The following TAF3 variants were observed in gnomAD, a reference collection of about 807,000 sequenced individuals.
TAF3 encodes TATA-box binding protein associated factor 3.
In TAF3, 7 loss-of-function variants were observed where a neutral mutation model predicts 80.6. That is an observed-to-expected ratio of 0.09 (90% CI 0.05 to 0.16). TAF3 has a LOEUF of 0.16. TAF3 is among the 10% of genes least tolerant of loss of function. The pLI is 1.00. For missense variants in TAF3, 921 were observed against 1,140.2 expected, an observed-to-expected ratio of 0.81 and a Z score of 2.77; for synonymous variants, 444 against 446.1, an observed-to-expected ratio of 1.00 and a Z score of 0.06.
intron 4 of TAF3, among the ~76,000 whole-genome samples, chr10:7,991,153 A>T (rs765881947): frequency 6.6e-6 from 1 of 152,092 alleles, no homozygotes; most frequent in Non-Finnish European, 1.5e-5. Context: ...AAACTTTCTT[A>T]TGTACATAGA....
chr10:7,929,499 G>T (rs1200685025), intron 2 of TAF3, among the ~76,000 whole-genome samples: 1 of 152,038 alleles, frequency 6.6e-6, no homozygotes, highest in Admixed American at 6.5e-5. Context: ...CTGGCTTCAA[G>T]TGATCTTCCT....
chr10:7,999,886 C>G (rs921976311), intron 4 of TAF3, among the ~76,000 whole-genome samples: 2 of 152,122 alleles, frequency 1.3e-5, no homozygotes, highest in Admixed American at 6.5e-5. Context: ...TTGTGCAGCT[C>G]CTTGATCTCA....
At chr10:7,892,722 G>A (rs566943586) in intron 2 of TAF3, among the ~76,000 whole-genome samples, 1 of 152,060 alleles carries the variant, frequency 6.6e-6, no homozygotes, top group African/African-American at 2.4e-5. Flanking sequence ...CAGTTAGTTG[G>A]TCAGTTAGTC....
chr10:7,830,500 T>G (rs1202546275), intron 2 of TAF3, among the ~76,000 whole-genome samples: 1 of 133,216 alleles, frequency 7.5e-6, no homozygotes, highest in Middle Eastern at 3.7e-3. Flanking sequence ...TTTTTTTTTT[T>G]TGAGAAGGAG....
intron 2 of TAF3, 85 bp from the exon 3 acceptor site, chr10:7,963,835 A>T (rs1405441037): frequency 1.6e-6 from 2 of 1,278,930 alleles, no homozygotes; most frequent in Non-Finnish European, 2.1e-6. Context: ...AAAAGAAATC[A>T]TATTTGAAGC....
chr10:7,875,625 T>C (rs919196799), intron 2 of TAF3, among the ~76,000 whole-genome samples: 3 of 152,158 alleles, frequency 2.0e-5, no homozygotes, highest in Non-Finnish European at 2.9e-5. Context: ...AAAGTTATCT[T>C]TGTGTGGTGG....
chr10:8,009,123 C>T lies in TAF3; in HGVS notation c.2361C>T (p.Pro787=), dbSNP rs766981281. The stretch of plus-strand genomic sequence containing the variant: ...CTGCCCCCGAGGCCAAGCCGGCGCC[C>T]TCGCAGAACAGGCCGAAGACCCCAC... ...VVPAPEAKPA[P]SQNRPKTPPP... is the part of the protein sequence containing the mutation. Residue 787 remains proline, a synonymous_variant, in exon 5 of 7, where the codon CCC becomes CCT. Transcript: ENST00000344293. This position sits in a 1 kb window ranked among gnomAD's most constrained non-coding sequence, Gnocchi z 4.1. 6.2e-7 allele frequency: 1 copy of T among 1,600,054 alleles called. No individual in the cohort carries two copies. Among genetic ancestry groups the T allele is most frequent in the Non-Finnish European group, 8.5e-7 (1 of 1,174,128 alleles).
intron 2 of TAF3, among the ~76,000 whole-genome samples, chr10:7,929,248 T>C (rs536202473): frequency 2.8e-4 from 33 of 119,740 alleles, no homozygotes; most frequent in African/African-American, 8.5e-4. Context: ...AAGTAGTTTA[T>C]TTTTTTTGTT....
intron 2 of TAF3, among the ~76,000 whole-genome samples, chr10:7,957,654 C>T (rs1459502152): frequency 2.6e-5 from 4 of 151,974 alleles, no homozygotes; most frequent in Non-Finnish European, 4.4e-5. Context: ...ATTTGTTTCT[C>T]ACATATGTAC....
At chr10:7,824,187 ATTCT>A (rs1836718596) in intron 1 of TAF3, 127 bp from the exon 2 acceptor site, 1 of 1,063,720 alleles carries the variant, frequency 9.4e-7, no homozygotes. Flanking sequence ...AATCTATTAA[ATTCT>A]TTCCAATAAC....
chr10:8,012,709 G>A (rs572456450), intron 5 of TAF3, among the ~76,000 whole-genome samples: 149 of 152,320 alleles, frequency 9.8e-4, no homozygotes, highest in Non-Finnish European at 1.7e-3. Flanking sequence ...TCCTGTCAAT[G>A]TAGTTTGCCT....
intron 2 of TAF3, among the ~76,000 whole-genome samples, chr10:7,829,762 G>A (rs1302279879): frequency 1.3e-5 from 2 of 152,036 alleles, no homozygotes; most frequent in South Asian, 2.1e-4. Flanking sequence ...TTCCCCTACT[G>A]TGCTCTTTGG....
At position 7,964,631 on chromosome 10, in the gene TAF3, A is replaced by G. The variant is rs764084441; in HGVS notation, c.1121A>G (p.Glu374Gly). The part of the protein sequence containing the change: ...TPPDAGKLNS[E>G]NQPKKAVVAD... Reference sequence around the variant, plus strand: ...CCTGATGCTGGGAAACTGAACAGTGAGAATCAGCCGAAAAAGGCTGTGGTA... The same window carrying G: ...CCTGATGCTGGGAAACTGAACAGTGGGAATCAGCCGAAAAAGGCTGTGGTA... Residue 374 changes from glutamate (E) to glycine (G), a missense_variant, in exon 3 of 7, where the codon GAG becomes GGG. Physicochemically the swap from Glu to Gly is moderately conservative, Grantham distance 98. Around this residue, in one of 6 missense-constraint regions of TAF3, gnomAD observed 743 missense variants for 821.0 expected, o/e 0.90. Coordinates refer to ENST00000344293, the MANE Select transcript of TAF3 (RefSeq NM_031923.4). The surrounding 1 kb of genome is among the most constrained non-coding windows in gnomAD (Gnocchi z 4.1). 6.2e-7 allele frequency: 1 copy of G among 1,614,114 alleles called. No homozygotes were observed. Among genetic ancestry groups the G allele is most frequent in the African/African-American group, 1.3e-5 (1 of 74,936 alleles).
chr10:7,971,740 G>A (rs1167120301), intron 3 of TAF3, among the ~76,000 whole-genome samples: 1 of 152,148 alleles, frequency 6.6e-6, no homozygotes, highest in Non-Finnish European at 1.5e-5. Context: ...TTGCAAGGCC[G>A]CACTGCTGGT....
At chr10:7,969,987 C>T (rs777996306) in intron 3 of TAF3, among the ~76,000 whole-genome samples, 47 of 152,258 alleles carry the variant, frequency 3.1e-4, no homozygotes, top group Non-Finnish European at 5.4e-4. Context: ...ACAGTAGTTT[C>T]ATACCTTCTC....
In TAF3 at chr10:7,965,053, C is replaced by A; in HGVS notation, c.1543C>A (p.Leu515Met). Residue 515 changes from leucine to methionine, a missense_variant, in exon 3 of 7, where the codon CTG (leucine) becomes ATG (methionine). Around this residue, in one of 6 missense-constraint regions of TAF3, gnomAD observed 743 missense variants for 821.0 expected, o/e 0.90. Transcript: ENST00000344293. ...LHKVYEEKTK[L>M]PSSVEVKKKL... ...CAAGGTGTATGAGGAGAAAACCAAG[C>A]TGCCTTCCTCCGTGGAGGTAAAGAA... The A allele has an allele frequency of 6.2e-7, 1 of 1,614,032 alleles. No individual in the cohort carries two copies. Among genetic ancestry groups the A allele is most frequent in the Non-Finnish European group, 8.5e-7 (1 of 1,180,038 alleles).
intron 2 of TAF3, among the ~76,000 whole-genome samples, chr10:7,830,467 A>C (rs147409731): frequency 6.9e-5 from 8 of 115,330 alleles, no homozygotes; most frequent in Middle Eastern, 5.2e-3. Context: ...TTTTCACTTT[A>C]CATGTCTTTT....
At chr10:7,937,939 G>GTGGAA (rs1289289690) in intron 2 of TAF3, among the ~76,000 whole-genome samples, 2 of 152,212 alleles carry the variant, frequency 1.3e-5, no homozygotes, top group Non-Finnish European at 2.9e-5. Context: ...AGACCAGTCA[G>GTGGAA]TGGAACATCC....
chr10:7,933,632 A>C (rs1214835675), intron 2 of TAF3, among the ~76,000 whole-genome samples: 2 of 152,240 alleles, frequency 1.3e-5, no homozygotes, highest in East Asian at 3.8e-4. Flanking sequence ...AGTGATAGTG[A>C]AAATGTCCTC....
Sources: gnomAD v4.1 joint callset for allele counts (sites outside exome capture counted in the v4.1 genomes callset) on GRCh38, gnomAD v4.1.1 for gene constraint, gnomAD v4.1.1 regional missense constraint, Gnocchi (gnomAD v3.1) non-coding constraint, MANE v1.5 for transcripts, NCBI Gene and HGNC (gene_info 2026-07-23, HGNC 2026-07-21) for gene names.